The following NARF variants were observed in gnomAD, a reference collection of about 807,000 sequenced individuals.
The protein encoded by NARF is nuclear prelamin A recognition factor.
A neutral mutation model predicts 48.0 loss-of-function variants in NARF; 41 were observed. That is an observed-to-expected ratio of 0.85 (90% CI 0.66 to 1.11). The LOEUF (loss-of-function observed/expected upper bound fraction) is 1.11. Among genes scored for constraint, NARF ranks in the 50% least tolerant of loss-of-function variants. The probability of loss-of-function intolerance (pLI) is 0.00; values close to 1 mark genes in which losing one functional copy is unlikely to be tolerated. For missense variants in NARF, 613 were observed against 590.2 expected, an observed-to-expected ratio of 1.04 and a Z score of -0.40; for synonymous variants, 215 against 225.5, an observed-to-expected ratio of 0.95 and a Z score of 0.42.
chr17:82,485,755 C>T (rs1599856980), intron 10 of NARF, 101 bp downstream of exon 10: 21 of 1,371,980 alleles, frequency 1.5e-5, no homozygotes, highest in African/African-American at 2.9e-5. Context: ...CCACCCAGAG[C>T]CTCTCTCAGC....
At chr17:82,487,216 G>C (rs2044114640) in intron 10 of NARF, among the ~76,000 whole-genome samples, 2 of 152,292 alleles carry the variant, frequency 1.3e-5, no homozygotes, top group East Asian at 3.9e-4. Context: ...AGGCACGGTG[G>C]CTCACGCCTG....
At chr17:82,467,691 G>A (rs2043602621) in intron 3 of NARF, among the ~76,000 whole-genome samples, 1 of 151,692 alleles carries the variant, frequency 6.6e-6, no homozygotes, top group African/African-American at 2.4e-5. Context: ...TTTTAGTAGA[G>A]ATGGGTTTCG....
chr17:82,485,072 G>GCAGAGAA, intron 9 of NARF, 122 bp downstream of exon 9: 1 of 1,274,984 alleles, frequency 7.8e-7, no homozygotes, highest in South Asian at 1.9e-5. Flanking sequence ...AAATCAAAAG[G>GCAGAGAA]ACTTTTTTGT....
chr17:82,472,266 T>C (rs138438028), intron 4 of NARF, among the ~76,000 whole-genome samples: 12 of 152,200 alleles, frequency 7.9e-5, no homozygotes, highest in East Asian at 7.7e-4. Context: ...GTAGATCACT[T>C]GAGGCTAGGA....
Position 82,488,409 on chromosome 17 carries a change from T to A in NARF, c.*252T>A. The A allele has an allele frequency of 2.3e-6, 1 of 443,432 alleles. No homozygotes were observed. Among genetic ancestry groups the A allele is most frequent in the Non-Finnish European group, 3.9e-6 (1 of 256,628 alleles). The allele number at this position is 443,432 out of a possible 1,614,324, so 27.5% of individuals were successfully genotyped here. On this transcript the variant is annotated 3_prime_UTR_variant, in exon 11 of 11. Transcript: ENST00000309794. ...TTTTTTTTTTGAGACGGAGTCTCAC[T>A]CTGTCACCCAGGCTGGAGTGCAATG... is the stretch of plus-strand genomic sequence containing the variant.
At position 82,485,764 on chromosome 17, in the gene NARF, G is replaced by T. The variant is rs1211429374; in HGVS notation, c.1129+110G>T. 6 of 1,283,148 alleles carry T rather than the reference G, an allele frequency of 4.7e-6. No individual in the cohort carries two copies. In the African/African-American group the frequency reaches 8.9e-5, roughly 19 times the overall value. 79.5% of individuals were successfully genotyped at this position (1,283,148 alleles called of 1,614,324 possible). A position where few individuals can be genotyped will look rare whatever the true frequency, so the allele number is the denominator to read the frequency against. ...TCTTGGCCACCCAGAGCCTCTCTCA[G>T]CCCTGAGAGCTTTGTAGGGTATGGA... On this transcript the variant is annotated intron_variant, in intron 10 of 10. Coordinates refer to ENST00000309794, the MANE Select transcript of NARF (RefSeq NM_012336.4).
chr17:82,459,365 A>G (rs2043373289), intron 1 of NARF: 1 of 203,386 alleles, frequency 4.9e-6, no homozygotes, highest in Non-Finnish European at 8.7e-6. Flanking sequence ...TGTGGCTGGC[A>G]CTTCTGCGCG....
At chr17:82,464,111 C>A in intron 2 of NARF, 176 bp from the exon 3 acceptor site, 1 of 729,450 alleles carries the variant, frequency 1.4e-6, no homozygotes, top group Non-Finnish European at 2.2e-6. Context: ...CCTTCACCAC[C>A]TTGAGCTGCT....
chr17:82,473,192 C>T (rs1286771647), intron 5 of NARF, among the ~76,000 whole-genome samples: 7 of 151,932 alleles, frequency 4.6e-5, no homozygotes, highest in African/African-American at 7.2e-5. Flanking sequence ...CTGCCTGCCT[C>T]GGGCTCCCAA....
rs772989849 is a variant in NARF at position 82,481,165 on chromosome 17, C to G, written c.723C>G (p.Pro241=). 4 of 1,613,976 alleles carry G rather than the reference C, an allele frequency of 2.5e-6. No individual in the cohort carries two copies. The highest frequency in any genetic ancestry group is 2.5e-6 in the Non-Finnish European group (3 of 1,180,032). The change falls in exon 7 of 11, where the codon CCC becomes CCG. Residue 241 remains proline (P), a synonymous_variant. Coordinates refer to ENST00000309794, the MANE Select transcript of NARF (RefSeq NM_012336.4). The part of the protein sequence containing the change: ...KKLEALQESL[P]PALHGSRGAD... ...TGGAGGCTCTTCAGGAAAGCCTTCC[C>G]CCTGCTTTGCATGGCTCCCGGGGCG...
intron 4 of NARF, 23 bp downstream of exon 4, chr17:82,468,919 G>A (rs1408664266): frequency 6.2e-7 from 1 of 1,612,052 alleles, no homozygotes; most frequent in Non-Finnish European, 8.5e-7. Context: ...TTGATAAATT[G>A]GGAATGTATA....
At chr17:82,459,826 G>A (rs1599810645) in intron 1 of NARF, among the ~76,000 whole-genome samples, 166 bp from the exon 2 acceptor site, 2 of 151,960 alleles carry the variant, frequency 1.3e-5, no homozygotes, top group Admixed American at 6.6e-5. Flanking sequence ...CCGAGATTGC[G>A]CCCCTGCACT....
intron 10 of NARF, among the ~76,000 whole-genome samples, chr17:82,486,263 G>A (rs2044093257): frequency 6.6e-6 from 1 of 152,150 alleles, no homozygotes; most frequent in South Asian, 2.1e-4. Context: ...GGGAAGAAGG[G>A]GACCCTCTGC....
chr17:82,481,201 G>C lies in NARF; in HGVS notation c.759G>C (p.Val253=), dbSNP rs781640658. The change falls in exon 7 of 11, where the codon GTG becomes GTC. Residue 253 remains valine (V), a synonymous_variant. Transcript: ENST00000309794. ...ALHGSRGADC[V]LTSGEIAQIM... ...ATGGCTCCCGGGGCGCTGACTGCGT[G>C]TTAACATCAGGTGAGAGGTGGGCGG... is the stretch of plus-strand genomic sequence containing the variant. The C allele has an allele frequency of 1.2e-6, 2 of 1,614,016 alleles. No individual in the cohort carries two copies. The highest frequency in any genetic ancestry group is 1.7e-6 in the Non-Finnish European group (2 of 1,180,006).
At chr17:82,468,709 C>T in intron 3 of NARF, 55 bp from the exon 4 acceptor site, 8 of 1,583,086 alleles carry the variant, frequency 5.1e-6, no homozygotes, top group Middle Eastern at 1.7e-4. Flanking sequence ...AGGTGTGTAA[C>T]TTTTACTCCT....
At chr17:82,468,578 C>G (rs965293305) in intron 3 of NARF, 186 bp from the exon 4 acceptor site, 7 of 587,478 alleles carry the variant, frequency 1.2e-5, no homozygotes, top group African/African-American at 3.9e-5. Flanking sequence ...TACCAGAAGC[C>G]CAAACCTCAC....
rs1370039541 is a variant in NARF, at chr17:82,489,454, G to C, written c.*1297G>C. 2 of 152,550 alleles carry C rather than the reference G, an allele frequency of 1.3e-5. No individual in the cohort carries two copies. The highest frequency in any genetic ancestry group is 1.5e-5 in the Non-Finnish European group (1 of 68,266). The allele number at this position is 152,550 out of a possible 1,614,324, so 9.4% of individuals were successfully genotyped here. A position where few individuals can be genotyped will look rare whatever the true frequency, so the allele number is the denominator to read the frequency against. On this transcript the variant is annotated 3_prime_UTR_variant, in exon 11 of 11. Transcript: ENST00000309794. ...TGAGAAGGCTGCCCGCACCAGCTGG[G>C]TGGGTGCAGGGGGCCCCAGCTCATC... is the stretch of plus-strand genomic sequence containing the variant.
At chr17:82,459,508 TTTA>T (rs2043378906) in intron 1 of NARF, 1 of 153,302 alleles carries the variant, frequency 6.5e-6, no homozygotes, top group African/African-American at 2.4e-5. Flanking sequence ...CTTCTGCTTT[TTTA>T]TTATTGTAAA....
At chr17:82,482,730 A>G (rs1327955747) in intron 7 of NARF, 2 of 152,168 alleles carry the variant, frequency 1.3e-5, no homozygotes, top group Admixed American at 6.5e-5. Flanking sequence ...TCAGGAGGCT[A>G]TGGCTGGAGG....
Sources: allele counts gnomAD v4.1 joint callset (sites outside exome capture counted in the v4.1 genomes callset), GRCh38; gene constraint gnomAD v4.1.1; transcripts MANE v1.5; gene names NCBI Gene and HGNC (gene_info 2026-07-23, HGNC 2026-07-21).